KLF8: variants seen among roughly 807,000 people sequenced by gnomAD.
KLF8 encodes Krueppel-like factor 8.
In KLF8, 10 loss-of-function variants were observed where a neutral mutation model predicts 18.2. That is an observed-to-expected ratio of 0.55 (90% confidence interval 0.34 to 0.93). The LOEUF is 0.93. Ranked by LOEUF, KLF8 falls within the 40% of genes least tolerant of loss-of-function variation. The pLI is 0.02. For synonymous variants in KLF8, 109 were observed against 97.3 expected (o/e 1.12, Z -0.71); for missense variants, 264 against 277.9 (o/e 0.95, Z 0.36).
At chrX:56,057,027 G>T in the KLF8 span, among the ~76,000 whole-genome samples, 1 of 91,060 alleles carries the variant, frequency 1.1e-5, no homozygotes, top group South Asian at 6.3e-4. Context: ...CTGTGACAGG[G>T]TGCTAACAGG....
At chrX:55,982,429 G>A in the KLF8 span, among the ~76,000 whole-genome samples, 1 of 111,667 alleles carries the variant, frequency 9.0e-6, no homozygotes, top group East Asian at 2.8e-4. Context: ...TGTCTCCACT[G>A]CCTCTTTCCT....
the KLF8 span, among the ~76,000 whole-genome samples, chrX:56,173,226 G>A: frequency 1.8e-5 from 2 of 111,867 alleles, no homozygotes; most frequent in African/African-American, 6.5e-5. Context: ...GGTTTTTATG[G>A]TTTTGGGTCT....
chrX:56,117,944 T>C, the KLF8 span, among the ~76,000 whole-genome samples: 7 of 111,248 alleles, frequency 6.3e-5, no homozygotes, highest in Non-Finnish European at 1.1e-4. Context: ...GAATATTGGG[T>C]TTCTGGTGAG....
At chrX:56,115,152 G>A in the KLF8 span, among the ~76,000 whole-genome samples, 2 of 110,814 alleles carry the variant, frequency 1.8e-5, no homozygotes, top group African/African-American at 6.6e-5. Context: ...GCTGGCATGT[G>A]CCTGTAATGC....
At chrX:56,095,172 C>G in the KLF8 span, among the ~76,000 whole-genome samples, 9 of 111,672 alleles carry the variant, frequency 8.1e-5, no homozygotes, top group African/African-American at 2.3e-4. Flanking sequence ...AAACACCATA[C>G]CTACAACTAG....
In KLF8 at chrX:56,264,860, T is replaced by C. The variant is rs867058767; in HGVS notation, c.82-320T>C. Among the ~76,000 whole-genome samples, 11 of 112,384 alleles carry C rather than the reference T, an allele frequency of 9.8e-5. 1 individual carries two copies. The Middle Eastern group carries it at 0.028, about 282-fold the overall frequency. Reference sequence around the variant, plus strand: ...TATTTAATATGTTGGTATGTACTTATTGGCTGTACTTTATTGATGTGTGCT... The same window carrying C: ...TATTTAATATGTTGGTATGTACTTACTGGCTGTACTTTATTGATGTGTGCT... On this transcript the variant is annotated intron_variant, in intron 2 of 5. Coordinates refer to ENST00000468660, the MANE Select transcript of KLF8 (RefSeq NM_007250.5).
intron 2 of KLF8, among the ~76,000 whole-genome samples, chrX:56,255,310 G>A (rs1406463534): frequency 8.9e-6 from 1 of 112,451 alleles, no homozygotes; most frequent in East Asian, 2.8e-4. Context: ...ATAGTTTTTT[G>A]TGGAGTTTTT....
At chrX:56,095,429 A>T in the KLF8 span, among the ~76,000 whole-genome samples, 1 of 112,810 alleles carries the variant, frequency 8.9e-6, no homozygotes. Context: ...TTTATGACCA[A>T]GTCCTCAAAA....
At chrX:56,167,807 A>G in the KLF8 span, among the ~76,000 whole-genome samples, 1 of 112,544 alleles carries the variant, frequency 8.9e-6, no homozygotes, top group Admixed American at 9.5e-5. Context: ...TTGTAGAACC[A>G]CATTCTAAAA....
chrX:56,048,754 C>CT, the KLF8 span, among the ~76,000 whole-genome samples: 1 of 111,633 alleles, frequency 9.0e-6, no homozygotes, highest in African/African-American at 3.3e-5. Flanking sequence ...AATGCAGGCT[C>CT]TTTTTTGGTT....
upstream of KLF8, among the ~76,000 whole-genome samples, chrX:56,231,469 A>T (rs1184029225): frequency 8.9e-6 from 1 of 111,895 alleles, no homozygotes; most frequent in Non-Finnish European, 1.9e-5. Flanking sequence ...TGGCTCAGGG[A>T]CTTGCCCATA....
At chrX:55,955,827 G>A in the KLF8 span, among the ~76,000 whole-genome samples, 1 of 111,778 alleles carries the variant, frequency 8.9e-6, no homozygotes, top group Non-Finnish European at 1.9e-5. Context: ...TTACATGATT[G>A]AATAAATGAA....
chrX:56,039,594 G>T, the KLF8 span, among the ~76,000 whole-genome samples: 1 of 111,660 alleles, frequency 9.0e-6, no homozygotes, highest in Non-Finnish European at 1.9e-5. Flanking sequence ...CAATGTTTCT[G>T]TTCTTGTACC....
At chrX:56,151,232 C>A in the KLF8 span, among the ~76,000 whole-genome samples, 8 of 111,182 alleles carry the variant, frequency 7.2e-5, no homozygotes, top group Non-Finnish European at 1.5e-4. Context: ...AATGAGAAGG[C>A]CCATTCGAAA....
chrX:56,064,569 G>A, the KLF8 span, among the ~76,000 whole-genome samples: 42 of 111,294 alleles, frequency 3.8e-4, no homozygotes, highest in Non-Finnish European at 5.8e-4. Flanking sequence ...TTGATTCCTC[G>A]TTGTTTTATA....
At chrX:56,155,469 C>A in the KLF8 span, among the ~76,000 whole-genome samples, 1 of 109,846 alleles carries the variant, frequency 9.1e-6, no homozygotes, top group South Asian at 4.0e-4. Context: ...GTGGAGGAAG[C>A]GGGGAGGGAT....
chrX:56,114,325 G>A, the KLF8 span, among the ~76,000 whole-genome samples: 5 of 112,861 alleles, frequency 4.4e-5, no homozygotes, highest in African/African-American at 1.6e-4. Context: ...CGCAATGTTA[G>A]CGGCCGCCAA....
At chrX:56,120,969 G>C in the KLF8 span, among the ~76,000 whole-genome samples, 5 of 110,746 alleles carry the variant, frequency 4.5e-5, no homozygotes, top group Non-Finnish European at 9.5e-5. Context: ...GGCAGATCAC[G>C]AGGTCAGGAG....
the KLF8 span, among the ~76,000 whole-genome samples, chrX:56,073,748 C>CTT: frequency 1.8e-3 from 166 of 92,461 alleles, no homozygotes; most frequent in Non-Finnish European, 3.0e-3. Context: ...CTAATGATGG[C>CTT]TTTTTTTTTT....
Sources: allele counts gnomAD v4.1 joint callset (sites outside exome capture counted in the v4.1 genomes callset), GRCh38; gene constraint gnomAD v4.1.1; transcripts MANE v1.5; gene names NCBI Gene and HGNC (gene_info 2026-07-23, HGNC 2026-07-21).